Variants in USH2A observed in about 807,000 individuals in gnomAD.
The protein encoded by USH2A is Usher syndrome 2A (autosomal recessive, mild).
A neutral mutation model predicts 538.9 loss-of-function variants in USH2A; 443 were observed. The ratio of observed to expected loss-of-function variants is 0.82; its 90% CI spans 0.76 to 0.89. The LOEUF (loss-of-function observed/expected upper bound fraction) is 0.89. Among genes scored for constraint, USH2A ranks in the 40% least tolerant of loss-of-function variants. USH2A has a pLI of 0.00. For synonymous variants in USH2A, 2,413 were observed against 2,273.5 expected (o/e 1.06, Z -1.75); for missense variants, 6,633 against 6,324.8 (o/e 1.05, Z -1.65).
At chr1:215,676,267 G>A (rs953631676) in intron 62 of USH2A, among the ~76,000 whole-genome samples, 2 of 152,172 alleles carry the variant, frequency 1.3e-5, no homozygotes, top group Non-Finnish European at 2.9e-5. Context: ...TGGAAGAACT[G>A]ATTGCTCCTT....
chr1:215,963,919 C>T (rs1284600979), intron 37 of USH2A, among the ~76,000 whole-genome samples: 1 of 152,114 alleles, frequency 6.6e-6, no homozygotes, highest in Non-Finnish European at 1.5e-5. Flanking sequence ...GTAAACTTCT[C>T]AGTGGAAAGA....
chr1:216,265,006 G>T (rs1409653339), intron 11 of USH2A, among the ~76,000 whole-genome samples: 2 of 151,998 alleles, frequency 1.3e-5, no homozygotes, highest in Non-Finnish European at 2.9e-5. Context: ...ATTGGTCTGG[G>T]CAAATGGAAT....
chr1:215,906,125 T>A (rs1162379246), intron 38 of USH2A, among the ~76,000 whole-genome samples: 3 of 151,998 alleles, frequency 2.0e-5, no homozygotes, highest in African/African-American at 7.2e-5. Flanking sequence ...AAAAAGATAT[T>A]AATTATGAGG....
chr1:215,697,210 C>T (rs67561222), intron 61 of USH2A, among the ~76,000 whole-genome samples: 27,219 of 151,828 alleles, frequency 0.18, 2,605 homozygotes, highest in Non-Finnish European at 0.21. Context: ...CTGCCTGCCT[C>T]GGCCTCCCAC....
At chr1:215,837,266 G>A (rs980709266) in intron 47 of USH2A, among the ~76,000 whole-genome samples, 1 of 152,132 alleles carries the variant, frequency 6.6e-6, no homozygotes, top group African/African-American at 2.4e-5. Flanking sequence ...GTGTCTGTGT[G>A]TGTGTGTGTG....
chr1:215,626,252 A>T (rs1322081039), intron 71 of USH2A, among the ~76,000 whole-genome samples: 1 of 150,002 alleles, frequency 6.7e-6, no homozygotes, highest in Non-Finnish European at 1.5e-5. Flanking sequence ...TATACACACT[A>T]TATAGACACT....
intron 44 of USH2A, among the ~76,000 whole-genome samples, chr1:215,851,234 A>T (rs751501448): frequency 3.3e-5 from 5 of 152,298 alleles, no homozygotes; most frequent in Admixed American, 6.5e-5. Flanking sequence ...CAACCAAAAC[A>T]ATACAAAAGA....
chr1:215,904,555 A>G (rs1665584034), intron 38 of USH2A, among the ~76,000 whole-genome samples: 1 of 152,076 alleles, frequency 6.6e-6, no homozygotes, highest in South Asian at 2.1e-4. Flanking sequence ...CACCAAAGCA[A>G]TAACTGGGAG....
rs1044875758 is a variant in USH2A, at chr1:216,233,471, T to C, written c.2810-1335A>G. Among the ~76,000 whole-genome samples, 2 of 152,162 alleles carry C rather than the reference T, an allele frequency of 1.3e-5. 1 individual carries two copies. ...ATCTCATTTCCACCAAAATCTAACT[T>C]CCATAAGGGCAGAAAACCCATCTGC... On this transcript the variant is annotated intron_variant, in intron 13 of 71. Transcript: ENST00000307340.
intron 64 of USH2A, among the ~76,000 whole-genome samples, chr1:215,663,934 G>A (rs903416306): frequency 6.6e-6 from 1 of 152,098 alleles, no homozygotes; most frequent in East Asian, 1.9e-4. Flanking sequence ...TCAGATGCCT[G>A]GTGAAAGTGT....
chr1:216,241,369 T>C (rs2035934260), intron 13 of USH2A, among the ~76,000 whole-genome samples: 1 of 152,172 alleles, frequency 6.6e-6, no homozygotes, highest in African/African-American at 2.4e-5. Context: ...TTTTATTTGG[T>C]TTTTTAAATT....
intron 11 of USH2A, among the ~76,000 whole-genome samples, chr1:216,258,535 A>G (rs1262088926): frequency 6.6e-6 from 1 of 151,986 alleles, no homozygotes; most frequent in Non-Finnish European, 1.5e-5. Flanking sequence ...TGCAAACTCT[A>G]ACTACTTTGA....
intron 4 of USH2A, among the ~76,000 whole-genome samples, chr1:216,341,893 C>G (rs747221239): frequency 2.0e-5 from 3 of 152,086 alleles, no homozygotes; most frequent in South Asian, 2.1e-4. Flanking sequence ...CATTAAAACC[C>G]TAGAAGAAAA....
At chr1:216,407,063 T>C (rs2039408444) in intron 3 of USH2A, among the ~76,000 whole-genome samples, 1 of 152,028 alleles carries the variant, frequency 6.6e-6, no homozygotes, top group Admixed American at 6.6e-5. Flanking sequence ...GTCACATGAC[T>C]TCCATCTCTC....
intron 13 of USH2A, among the ~76,000 whole-genome samples, chr1:216,240,759 C>T (rs1296824345): frequency 2.0e-5 from 3 of 151,758 alleles, no homozygotes; most frequent in Non-Finnish European, 4.4e-5. Context: ...ATGTGCTCTA[C>T]CAAATACACA....
At chr1:215,836,549 A>ATTATATATATTATATATATAATATATAT (rs1456042434) in intron 47 of USH2A, among the ~76,000 whole-genome samples, 1 of 16,050 alleles carries the variant, frequency 6.2e-5, no homozygotes, top group South Asian at 2.3e-3. Flanking sequence ...TATAATATAT[A>ATTATATATATTATATATATAATATATAT]TATATATATA....
chr1:215,902,007 G>T (rs1665514157), intron 38 of USH2A, among the ~76,000 whole-genome samples: 1 of 152,030 alleles, frequency 6.6e-6, no homozygotes, highest in Non-Finnish European at 1.5e-5. Flanking sequence ...TTTAGACCCT[G>T]GTAATTATTA....
intron 3 of USH2A, among the ~76,000 whole-genome samples, chr1:216,373,521 C>G (rs1174441270): frequency 6.6e-6 from 1 of 152,024 alleles, no homozygotes; most frequent in Non-Finnish European, 1.5e-5. Flanking sequence ...AAGAGTAGTA[C>G]AAAGAATTTT....
intron 32 of USH2A, among the ~76,000 whole-genome samples, chr1:216,028,209 G>A (rs190669617): frequency 3.5e-4 from 54 of 152,172 alleles, no homozygotes; most frequent in African/African-American, 1.2e-3. Flanking sequence ...CTAACACGGT[G>A]AAACCCTGTC....
Sources: gnomAD v4.1 joint callset for allele counts (sites outside exome capture counted in the v4.1 genomes callset) on GRCh38, gnomAD v4.1.1 for gene constraint, MANE v1.5 for transcripts, NCBI Gene and HGNC (gene_info 2026-07-23, HGNC 2026-07-21) for gene names.